The following CSMD1 variants were observed in gnomAD, a reference collection of about 807,000 sequenced individuals.
The protein encoded by CSMD1 is CUB and sushi domain-containing protein 1.
Under a neutral mutation model 417.5 loss-of-function variants are expected in CSMD1, and 213 were observed. The observed-to-expected ratio is 0.51, with a 90% CI of 0.46 to 0.57. The LOEUF is 0.57. Among genes scored for constraint, CSMD1 ranks in the 20% least tolerant of loss-of-function variants. CSMD1 has a pLI of 0.00. For missense variants in CSMD1, 6,923 were observed against 4,529.7 expected (o/e 1.53, Z -15.17); for synonymous variants, 2,862 against 1,736.8 (o/e 1.65, Z -16.11).
At chr8:3,380,842 T>G (rs1810583990) in intron 18 of CSMD1, among the ~76,000 whole-genome samples, 1 of 151,750 alleles carries the variant, frequency 6.6e-6, no homozygotes, top group Non-Finnish European at 1.5e-5. Context: ...TATACCTATG[T>G]AACAAACCTG....
At chr8:4,795,133 C>G (rs1370271368) in intron 1 of CSMD1, among the ~76,000 whole-genome samples, 1 of 151,044 alleles carries the variant, frequency 6.6e-6, no homozygotes, top group African/African-American at 2.4e-5. Context: ...CAACAGTAGA[C>G]AGAAACTGGT....
At chr8:4,086,051 A>C (rs182426058) in intron 3 of CSMD1, among the ~76,000 whole-genome samples, 367 of 152,352 alleles carry the variant, frequency 2.4e-3, no homozygotes, top group Non-Finnish European at 2.9e-3. Flanking sequence ...AAATAGATGC[A>C]ATCAAGTATC....
intron 3 of CSMD1, among the ~76,000 whole-genome samples, chr8:4,235,040 T>C (rs1801962248): frequency 6.6e-6 from 1 of 152,166 alleles, no homozygotes; most frequent in Non-Finnish European, 1.5e-5. Flanking sequence ...TCTTCAACAT[T>C]CGAATTTAAG....
chr8:3,425,266 T>C (rs905236538), intron 12 of CSMD1, among the ~76,000 whole-genome samples: 1 of 152,140 alleles, frequency 6.6e-6, no homozygotes. Flanking sequence ...CTTATCTCCT[T>C]GGGACAAGGG....
chr8:4,743,539 C>A (rs1479883030), intron 1 of CSMD1, among the ~76,000 whole-genome samples: 1 of 152,168 alleles, frequency 6.6e-6, no homozygotes. Flanking sequence ...CTTTCCAAGC[C>A]AGAGTCAACC....
At chr8:4,176,499 G>C (rs972629235) in intron 3 of CSMD1, among the ~76,000 whole-genome samples, 7 of 151,576 alleles carry the variant, frequency 4.6e-5, no homozygotes, top group Admixed American at 1.3e-4. Flanking sequence ...CTCACTACTG[G>C]TTCTATACCT....
At chr8:3,295,094 G>T (rs941503792) in intron 25 of CSMD1, among the ~76,000 whole-genome samples, 1 of 151,400 alleles carries the variant, frequency 6.6e-6, no homozygotes, top group South Asian at 2.1e-4. Flanking sequence ...GTGTGTGCTT[G>T]TATCACTTTC....
chr8:3,268,459 T>C (rs1203497798), intron 26 of CSMD1, among the ~76,000 whole-genome samples: 2 of 151,866 alleles, frequency 1.3e-5, no homozygotes, highest in Admixed American at 1.3e-4. Context: ...CAGCTGATTT[T>C]TTTGTATTTT....
intron 3 of CSMD1, among the ~76,000 whole-genome samples, chr8:4,275,644 A>C (rs1796442966): frequency 6.6e-6 from 1 of 152,190 alleles, no homozygotes; most frequent in Non-Finnish European, 1.5e-5. Flanking sequence ...CATCTTCCTA[A>C]AAATGCAAAT....
At chr8:3,582,825 T>A (rs780929745) in intron 9 of CSMD1, among the ~76,000 whole-genome samples, 4 of 152,250 alleles carry the variant, frequency 2.6e-5, no homozygotes, top group Admixed American at 6.5e-5. Context: ...CTCTTTCCCT[T>A]TTTAGTCTAG....
chr8:3,748,189 G>C lies in CSMD1; in HGVS notation c.931+5741C>G, dbSNP rs561295727. On this transcript the variant is annotated intron_variant, in intron 6 of 69. Coordinates refer to ENST00000635120, the MANE Select transcript of CSMD1 (RefSeq NM_033225.6). ...ATCTTTTGTTCTGAGAGAAATTAAAGTAGATATTTAGGAAAAGTGGTTACG... is the reference window on the plus strand; with the variant it reads ...ATCTTTTGTTCTGAGAGAAATTAAACTAGATATTTAGGAAAAGTGGTTACG... 1.2e-4 allele frequency among the ~76,000 whole-genome samples: 18 copies of C among 152,272 alleles called. No individual in the cohort carries two copies. In the East Asian group the frequency reaches 2.5e-3, roughly 21 times the overall value.
chr8:4,658,979 C>T (rs921804705), intron 1 of CSMD1, among the ~76,000 whole-genome samples: 9 of 151,820 alleles, frequency 5.9e-5, no homozygotes, highest in Admixed American at 1.3e-4. Flanking sequence ...GTGGTAACCA[C>T]GAAGGCAATA....
At chr8:4,825,654 A>G (rs1270955519) in intron 1 of CSMD1, among the ~76,000 whole-genome samples, 1 of 152,120 alleles carries the variant, frequency 6.6e-6, no homozygotes, top group Non-Finnish European at 1.5e-5. Context: ...GCTTCTGCAC[A>G]GCAAAGAAAA....
chr8:3,568,158 G>A (rs902430844), intron 10 of CSMD1, among the ~76,000 whole-genome samples: 1 of 152,086 alleles, frequency 6.6e-6, no homozygotes, highest in Non-Finnish European at 1.5e-5. Context: ...TCATATGAAA[G>A]TCTTTTTGAG....
chr8:3,462,362 T>C (rs897764747), intron 12 of CSMD1, among the ~76,000 whole-genome samples: 7 of 152,152 alleles, frequency 4.6e-5, no homozygotes, highest in Non-Finnish European at 8.8e-5. Flanking sequence ...TACTCGTCCA[T>C]GGCCTGCTAG....
chr8:3,506,295 G>C (rs972458878), intron 10 of CSMD1, among the ~76,000 whole-genome samples: 4 of 152,186 alleles, frequency 2.6e-5, no homozygotes, highest in African/African-American at 4.8e-5. Flanking sequence ...AAGTGCCTCA[G>C]ATTCCTACTA....
At chr8:4,447,749 A>G (rs191800057) in intron 2 of CSMD1, among the ~76,000 whole-genome samples, 311 of 152,260 alleles carry the variant, frequency 2.0e-3, no homozygotes, top group African/African-American at 7.3e-3. Flanking sequence ...AAGATTTAAG[A>G]CTCTTTTGCA....
chr8:3,260,200 C>T (rs1344156442), intron 26 of CSMD1, among the ~76,000 whole-genome samples: 4 of 152,302 alleles, frequency 2.6e-5, no homozygotes, highest in Middle Eastern at 3.4e-3. Context: ...TCTGCTTCCT[C>T]ACCCTGAATT....
intron 1 of CSMD1, chr8:4,787,755 A>G: frequency 6.3e-7 from 1 of 1,588,614 alleles, no homozygotes; most frequent in South Asian, 1.1e-5. Flanking sequence ...TGATTGCTGC[A>G]AAATTTTGCT....
Sources: allele counts gnomAD v4.1 joint callset (sites outside exome capture counted in the v4.1 genomes callset), GRCh38; gene constraint gnomAD v4.1.1; transcripts MANE v1.5; gene names NCBI Gene and HGNC (gene_info 2026-07-23, HGNC 2026-07-21).